Variants in PDE4B observed in about 807,000 individuals in gnomAD.
PDE4B encodes the protein phosphodiesterase 4B.
Under a neutral mutation model 82.2 loss-of-function variants are expected in PDE4B, and 20 were observed. That is an observed-to-expected ratio of 0.24 (90% CI 0.17 to 0.35). The LOEUF is 0.35. Ranked by LOEUF, PDE4B falls within the 10% of genes least tolerant of loss-of-function variation. The pLI is 1.00. For synonymous variants in PDE4B, 320 were observed against 318.9 expected (o/e 1.00, Z -0.04); for missense variants, 655 against 907.2 (o/e 0.72, Z 3.57).
chr1:65,986,409 G>A (rs779732312), intron 3 of PDE4B, among the ~76,000 whole-genome samples: 10 of 152,178 alleles, frequency 6.6e-5, no homozygotes, highest in South Asian at 6.2e-4. Context: ...TTTGAATTTA[G>A]CCTTAATGGA....
chr1:66,100,525 C>G (rs959122872), intron 3 of PDE4B, among the ~76,000 whole-genome samples: 1 of 152,030 alleles, frequency 6.6e-6, no homozygotes, highest in Non-Finnish European at 1.5e-5. Flanking sequence ...AAAAGTGAAT[C>G]CTCTATGATT....
rs1461244330 is a variant in PDE4B at position 66,332,635 on chromosome 1, T to G, written c.747+15T>G. 1 of 1,610,940 alleles carries G rather than the reference T, an allele frequency of 6.2e-7. No homozygotes were observed. The highest frequency in any genetic ancestry group is 8.5e-7 in the Non-Finnish European group (1 of 1,177,846). ...CTTCTAACAAGGTAAGAGATGATCT[T>G]TTTATTCATTAAAGTGTGATCATGC... On this transcript the variant is annotated intron_variant, in intron 8 of 16. Transcript: ENST00000341517.
intron 3 of PDE4B, among the ~76,000 whole-genome samples, chr1:66,033,039 G>A (rs1313559017): frequency 1.3e-5 from 2 of 151,962 alleles, no homozygotes; most frequent in African/African-American, 4.8e-5. Context: ...GCTTCTATTT[G>A]GTGCCAAACA....
intron 8 of PDE4B, chr1:66,354,959 T>G: frequency 2.1e-6 from 3 of 1,412,722 alleles, no homozygotes; most frequent in Non-Finnish European, 2.9e-6. Context: ...GTGTGTTTTT[T>G]TGTGAAGTAC....
intron 3 of PDE4B, among the ~76,000 whole-genome samples, chr1:66,159,767 A>G (rs1646573652): frequency 6.6e-6 from 1 of 152,032 alleles, no homozygotes; most frequent in Admixed American, 6.5e-5. Context: ...CCATGAATTA[A>G]GTGTTCCCTA....
chr1:65,892,804 T>C (rs920856327), intron 1 of PDE4B, among the ~76,000 whole-genome samples: 3 of 152,134 alleles, frequency 2.0e-5, no homozygotes, highest in Non-Finnish European at 2.9e-5. Flanking sequence ...ATTTCTTCTT[T>C]GGGCATTACT....
chr1:66,161,691 G>T (rs1032728087), intron 3 of PDE4B, among the ~76,000 whole-genome samples: 2 of 151,994 alleles, frequency 1.3e-5, no homozygotes, highest in African/African-American at 2.4e-5. Context: ...TAAAGATGAA[G>T]ACACTGAGGG....
At chr1:66,238,577 C>A (rs939879509) in intron 3 of PDE4B, among the ~76,000 whole-genome samples, 1 of 152,100 alleles carries the variant, frequency 6.6e-6, no homozygotes, top group Non-Finnish European at 1.5e-5. Flanking sequence ...CAGAGATACA[C>A]AAAACAGTAC....
At chr1:66,349,717 A>G (rs556044833) in intron 8 of PDE4B, among the ~76,000 whole-genome samples, 1 of 152,340 alleles carries the variant, frequency 6.6e-6, no homozygotes, top group East Asian at 1.9e-4. Flanking sequence ...CACAAAAAGG[A>G]GGGAAGAGAT....
chr1:65,980,538 G>C (rs190404449), intron 3 of PDE4B, among the ~76,000 whole-genome samples: 1 of 152,134 alleles, frequency 6.6e-6, no homozygotes, highest in African/African-American at 2.4e-5. Flanking sequence ...GGGGGTGTTG[G>C]TGTTTCTTTT....
At chr1:66,134,279 A>T (rs1646011123) in intron 3 of PDE4B, among the ~76,000 whole-genome samples, 1 of 152,248 alleles carries the variant, frequency 6.6e-6, no homozygotes, top group Non-Finnish European at 1.5e-5. Flanking sequence ...CAAAGCAATT[A>T]TGTGGTCATT....
Position 65,938,409 on chromosome 1 carries a change from T to C in PDE4B, c.281+19574T>C, listed in dbSNP as rs115969811. On this transcript the variant is annotated intron_variant, in intron 3 of 16. Coordinates refer to ENST00000341517, the MANE Select transcript of PDE4B (RefSeq NM_002600.4). ...TATGTTTTATTCATCCTAGCATTCATAAATTTCTGAGGATGCTGGATGTTC... is the reference window on the plus strand; with the variant it reads ...TATGTTTTATTCATCCTAGCATTCACAAATTTCTGAGGATGCTGGATGTTC... Among the ~76,000 whole-genome samples, 336 of 152,350 alleles carry C rather than the reference T, an allele frequency of 2.2e-3. 2 individuals are homozygous for C. The highest frequency in any genetic ancestry group is 7.9e-3 in the African/African-American group (327 of 41,596).
chr1:66,106,729 G>A (rs1467421908), intron 3 of PDE4B, among the ~76,000 whole-genome samples: 4 of 151,692 alleles, frequency 2.6e-5, no homozygotes, highest in Admixed American at 6.6e-5. Context: ...TTTGCATAGA[G>A]GTGTTTGTAG....
chr1:66,337,329 C>G (rs1011924878), intron 8 of PDE4B, among the ~76,000 whole-genome samples: 1 of 152,212 alleles, frequency 6.6e-6, no homozygotes, highest in Non-Finnish European at 1.5e-5. Flanking sequence ...TTGCTCCCCT[C>G]TCTAAACTAC....
chr1:66,289,446 A>C (rs1656913950), intron 7 of PDE4B, among the ~76,000 whole-genome samples: 1 of 152,112 alleles, frequency 6.6e-6, no homozygotes, highest in Non-Finnish European at 1.5e-5. Context: ...ATTTCTATGG[A>C]ATCTAGAAAG....
At chr1:66,371,476 G>A (rs564975733) in intron 16 of PDE4B, among the ~76,000 whole-genome samples, 1 of 152,250 alleles carries the variant, frequency 6.6e-6, no homozygotes, top group South Asian at 2.1e-4. Context: ...CATGCAGGAT[G>A]CATAGCCCCT....
chr1:66,056,751 T>C (rs1283653633), intron 3 of PDE4B, among the ~76,000 whole-genome samples: 3 of 152,078 alleles, frequency 2.0e-5, no homozygotes, highest in East Asian at 3.9e-4. Context: ...GCTTTGATGA[T>C]GGAGGAATGT....
At chr1:66,078,911 G>A (rs1419738700) in intron 3 of PDE4B, among the ~76,000 whole-genome samples, 2 of 152,044 alleles carry the variant, frequency 1.3e-5, no homozygotes, top group African/African-American at 2.4e-5. Flanking sequence ...TTGGATGGAT[G>A]AGCATAAAGG....
At chr1:65,914,797 A>T (rs1647140824) in intron 2 of PDE4B, among the ~76,000 whole-genome samples, 1 of 152,136 alleles carries the variant, frequency 6.6e-6, no homozygotes, top group South Asian at 2.1e-4. Flanking sequence ...TCAAAAGAAG[A>T]GGAAGGTTGC....
Sources: allele counts gnomAD v4.1 joint callset (sites outside exome capture counted in the v4.1 genomes callset), GRCh38; gene constraint gnomAD v4.1.1; transcripts MANE v1.5; gene names NCBI Gene and HGNC (gene_info 2026-07-23, HGNC 2026-07-21).